EPHA2: variants seen among roughly 807,000 people sequenced by gnomAD.
EPHA2 encodes EPH receptor A2.
In EPHA2, 54 loss-of-function variants were observed where a neutral mutation model predicts 104.9. The observed-to-expected ratio is 0.51, with a 90% CI of 0.41 to 0.65. The LOEUF (loss-of-function observed/expected upper bound fraction) is 0.65. Ranked by LOEUF, EPHA2 falls within the 30% of genes least tolerant of loss-of-function variation. The probability of loss-of-function intolerance (pLI) is 0.00; values close to 1 mark genes in which losing one functional copy is unlikely to be tolerated. For synonymous variants in EPHA2, 560 were observed against 559.1 expected (o/e 1.00, Z -0.02); for missense variants, 1,117 against 1,369.5 (o/e 0.82, Z 2.91).
chr1:16,134,013 G>C lies in EPHA2; in HGVS notation c.1683-98C>G. On this transcript the variant is annotated intron_variant, in intron 8 of 16. Coordinates refer to ENST00000358432, the MANE Select transcript of EPHA2 (RefSeq NM_004431.5). The surrounding 1 kb of genome is among the most constrained non-coding windows in gnomAD (Gnocchi z 4.5). Reference sequence around the variant, plus strand: ...CCCTACTTTGGTCCTAGGAGGACCTGGGGTGCTCAGAATGCGGCCCAGTCC... The same window carrying C: ...CCCTACTTTGGTCCTAGGAGGACCTCGGGTGCTCAGAATGCGGCCCAGTCC... The C allele has an allele frequency of 1.6e-6, 2 of 1,258,398 alleles. No individual in the cohort carries two copies. Among genetic ancestry groups the C allele is most frequent in the Non-Finnish European group, 2.2e-6 (2 of 912,340 alleles). The allele number at this position is 1,258,398 out of a possible 1,614,324, so 78.0% of individuals were successfully genotyped here.
Position 16,148,658 on chromosome 1 carries a change from G to C in EPHA2, c.543C>G (p.Ala181=), listed in dbSNP as rs1428959866. 2 of 1,609,564 alleles carry C rather than the reference G, an allele frequency of 1.2e-6. No homozygotes were observed. Among genetic ancestry groups the C allele is most frequent in the African/African-American group, 2.7e-5 (2 of 74,958 alleles). ...GPLTRKGFYL[A]FQDIGACVAL... ...CCACACAGGCACCGATATCCTGGAA[G>C]GCCAGGTAGAAGCCTTTGCGGGTGA... The change falls in exon 3 of 17, where the codon GCC becomes GCG. Residue 181 remains alanine (A), a synonymous_variant. Coordinates refer to ENST00000358432, the MANE Select transcript of EPHA2 (RefSeq NM_004431.5). This position sits in a 1 kb window ranked among gnomAD's most constrained non-coding sequence, Gnocchi z 4.9.
Position 16,155,998 on chromosome 1 carries a change from G to A in EPHA2, c.-66C>T. 1 of 1,344,068 alleles carries A rather than the reference G, an allele frequency of 7.4e-7. No individual in the cohort carries two copies. 83.3% of individuals were successfully genotyped at this position (1,344,068 alleles called of 1,614,324 possible). On this transcript the variant is annotated 5_prime_UTR_variant, in exon 1 of 17. Transcript: ENST00000358432. ...CTCCCGCACACCCGCACGCCTGCAC[G>A]CCGGCCTCGGTGTCCGCTCCCGCCC...
Position 16,129,317 on chromosome 1 carries a change from G to A in EPHA2, c.2825+117C>T, listed in dbSNP as rs866746178. 2.9e-5 allele frequency: 37 copies of A among 1,297,050 alleles called. No individual in the cohort carries two copies. In the African/African-American group the frequency reaches 3.0e-4, roughly 11 times the overall value. The allele number at this position is 1,297,050 out of a possible 1,614,324, so 80.3% of individuals were successfully genotyped here. A position where few individuals can be genotyped will look rare whatever the true frequency, so the allele number is the denominator to read the frequency against. ...TCTTCCAAGGAGCCTCTTCCCAGAA[G>A]AGAAAGAACAAAGAGAGGAGCATTG... On this transcript the variant is annotated intron_variant, in intron 16 of 16. Transcript: ENST00000358432.
intron 3 of EPHA2, among the ~76,000 whole-genome samples, chr1:16,143,017 G>GGA (rs1557511837): frequency 9.1e-5 from 5 of 54,808 alleles, no homozygotes; most frequent in East Asian, 2.5e-3. Context: ...GGATGGATGG[G>GGA]TGGATAGGTG....
At chr1:16,133,817 C>T (rs376652350) in intron 9 of EPHA2, 43 bp downstream of exon 9, 96 of 1,521,810 alleles carry the variant, frequency 6.3e-5, no homozygotes, top group African/African-American at 8.3e-5. Context: ...GAGCTGGGGA[C>T]GGTGCGGGCA....
Position 16,131,442 on chromosome 1 carries a change from T to C in EPHA2, c.2475+279A>G, listed in dbSNP as rs926041513. On this transcript the variant is annotated intron_variant, in intron 14 of 16. Coordinates refer to ENST00000358432, the MANE Select transcript of EPHA2 (RefSeq NM_004431.5). The surrounding 1 kb of genome is among the most constrained non-coding windows in gnomAD (Gnocchi z 5.2). ...TAAAAATACAAAAATTAGCTGGGTG[T>C]GGTGGCGCATGCCTGTAATCCCAGC... is the stretch of plus-strand genomic sequence containing the variant. 6.6e-6 allele frequency among the ~76,000 whole-genome samples: 1 copy of C among 152,004 alleles called. No individual in the cohort carries two copies. Among genetic ancestry groups the C allele is most frequent in the Non-Finnish European group, 1.5e-5 (1 of 68,006 alleles).
At chr1:16,133,076 G>A in intron 11 of EPHA2, 104 bp downstream of exon 11, 1 of 1,478,820 alleles carries the variant, frequency 6.8e-7, no homozygotes, top group South Asian at 1.2e-5. Flanking sequence ...GTGCAGGTGT[G>A]GGGGGAAGGT....
At chr1:16,143,584 GGTGACTCAGGGACAGACGCCCTTATC>G (rs2024868610) in intron 3 of EPHA2, among the ~76,000 whole-genome samples, 1 of 152,128 alleles carries the variant, frequency 6.6e-6, no homozygotes, top group African/African-American at 2.4e-5. Flanking sequence ...GGCAGCATGA[GGTGACTCAGGGACAGACGCCCTTATC>G]GTGACGCAAG....
intron 1 of EPHA2, 100 bp from the exon 2 acceptor site, chr1:16,151,063 A>T (rs1274338865): frequency 8.3e-7 from 1 of 1,204,250 alleles, no homozygotes; most frequent in Non-Finnish European, 1.2e-6. Flanking sequence ...CAACTCTCAG[A>T]CAGAGCGAGA....
At chr1:16,138,671 C>T (rs1264240429) in intron 3 of EPHA2, among the ~76,000 whole-genome samples, 1 of 152,246 alleles carries the variant, frequency 6.6e-6, no homozygotes, top group African/African-American at 2.4e-5. Context: ...CTTCACTCCC[C>T]ACTGGCTCCT....
At chr1:16,136,151 G>A (rs576696689) in intron 5 of EPHA2, among the ~76,000 whole-genome samples, 23 of 152,090 alleles carry the variant, frequency 1.5e-4, no homozygotes, top group East Asian at 7.8e-4. Context: ...GATTATGGGC[G>A]TGGTCACCAC....
At chr1:16,133,452 AG>A in intron 10 of EPHA2, 28 bp downstream of exon 10, 1 of 1,614,012 alleles carries the variant, frequency 6.2e-7, no homozygotes, top group Non-Finnish European at 8.5e-7. Flanking sequence ...CTGCCTCCTC[AG>A]GGCCCCTTGG....
chr1:16,140,994 C>T (rs969314908), intron 3 of EPHA2, among the ~76,000 whole-genome samples: 2 of 152,060 alleles, frequency 1.3e-5, no homozygotes, highest in African/African-American at 4.8e-5. Flanking sequence ...CGACTTCCCA[C>T]AATGCTGGGA....
chr1:16,129,150 G>A (rs1049040303), intron 16 of EPHA2, among the ~76,000 whole-genome samples: 97 of 150,886 alleles, frequency 6.4e-4, no homozygotes, highest in African/African-American at 2.3e-3. Flanking sequence ...AAGCAGAGAC[G>A]GCACATAGCC....
chr1:16,153,410 C>T (rs2025083120), intron 1 of EPHA2: 2 of 832,888 alleles, frequency 2.4e-6, no homozygotes, highest in South Asian at 5.5e-5. Context: ...GCAGACTTGG[C>T]CCCGGTAGAA....
chr1:16,155,888 G>C lies in EPHA2; in HGVS notation c.45C>G (p.Gly15=). Reference sequence around the variant, plus strand: ...CCGCCGCGGCCGCGGCCAGCGCACAGCCCCACAGCAGGGCGAAGCAGGCGC... The same window carrying C: ...CCGCCGCGGCCGCGGCCAGCGCACACCCCCACAGCAGGGCGAAGCAGGCGC... ...AARACFALLW[G]CALAAAAAAQ... is the part of the protein sequence containing the mutation. The change falls in exon 1 of 17, where the codon GGC becomes GGG. Residue 15 remains glycine, a synonymous_variant. Coordinates refer to ENST00000358432, the MANE Select transcript of EPHA2 (RefSeq NM_004431.5). The C allele has an allele frequency of 6.7e-7, 1 of 1,486,156 alleles. No homozygotes were observed. 92.1% of individuals were successfully genotyped at this position (1,486,156 alleles called of 1,614,324 possible). A position where few individuals can be genotyped will look rare whatever the true frequency, so the allele number is the denominator to read the frequency against.
Position 16,137,840 on chromosome 1 carries a change from C to T in EPHA2, c.1312+13G>A, listed in dbSNP as rs1473242663. 6.2e-7 allele frequency: 1 copy of T among 1,613,464 alleles called. No individual in the cohort carries two copies. Among genetic ancestry groups the T allele is most frequent in the South Asian group, 1.1e-5 (1 of 91,080 alleles). On this transcript the variant is annotated intron_variant, in intron 5 of 16. Coordinates refer to ENST00000358432, the MANE Select transcript of EPHA2 (RefSeq NM_004431.5). ...AGGCCCCATAGGGCACAGCTGCCACCCCTGGACCTCACCTGTCTGGTTGAT... is the reference window on the plus strand; with the variant it reads ...AGGCCCCATAGGGCACAGCTGCCACTCCTGGACCTCACCTGTCTGGTTGAT...
rs1202607756 is a variant in EPHA2 at position 16,150,800 on chromosome 1, C to T, written c.153+96G>A. On this transcript the variant is annotated intron_variant, in intron 2 of 16. Transcript: ENST00000358432. This position sits in a 1 kb window ranked among gnomAD's most constrained non-coding sequence, Gnocchi z 4.8. ...ACCTGGCTGAGCTGCTGAATTGAAGCCAGGCCCCACGCTCCCTGGGCCTCA... is the reference window on the plus strand; with the variant it reads ...ACCTGGCTGAGCTGCTGAATTGAAGTCAGGCCCCACGCTCCCTGGGCCTCA... 2.9e-6 allele frequency: 4 copies of T among 1,381,572 alleles called. No individual in the cohort carries two copies. In the African/African-American group the frequency reaches 4.3e-5, roughly 15 times the overall value. The allele number at this position is 1,381,572 out of a possible 1,614,324, so 85.6% of individuals were successfully genotyped here.
chr1:16,156,028 G>T lies in EPHA2; in HGVS notation c.-96C>A. ...CCTCGGTGTCCGCTCCCGCCCGCCG[G>T]CCTGCGCGCAACTTCTGCCCCTCCT... On this transcript the variant is annotated 5_prime_UTR_variant, in exon 1 of 17. Transcript: ENST00000358432. The T allele has an allele frequency of 1.8e-6, 2 of 1,117,822 alleles. No homozygotes were observed. Among genetic ancestry groups the T allele is most frequent in the Non-Finnish European group, 2.4e-6 (2 of 837,678 alleles). The allele number at this position is 1,117,822 out of a possible 1,614,324, so 69.2% of individuals were successfully genotyped here.
Sources: allele counts gnomAD v4.1 joint callset (sites outside exome capture counted in the v4.1 genomes callset), GRCh38; gene constraint gnomAD v4.1.1; non-coding constraint Gnocchi (gnomAD v3.1); transcripts MANE v1.5; gene names NCBI Gene and HGNC (gene_info 2026-07-23, HGNC 2026-07-21).